The following TRMT10B variants were observed in gnomAD, a reference collection of about 807,000 sequenced individuals.
TRMT10B encodes the protein tRNA methyltransferase 10 homolog B.
Under a neutral mutation model 43.8 loss-of-function variants are expected in TRMT10B, and 33 were observed. That is an observed-to-expected ratio of 0.75 (90% confidence interval 0.57 to 1.01). The LOEUF (loss-of-function observed/expected upper bound fraction) is 1.01, where lower values mean the gene tolerates loss of function less well. TRMT10B is among the 50% of genes least tolerant of loss of function. The pLI is 0.00. For missense variants in TRMT10B, 362 were observed against 369.8 expected (o/e 0.98, Z 0.17); for synonymous variants, 137 against 130.6 (o/e 1.05, Z -0.34).
intron 5 of TRMT10B, among the ~76,000 whole-genome samples, chr9:37,768,612 G>A (rs1043165648): frequency 2.6e-5 from 4 of 152,140 alleles, no homozygotes; most frequent in Admixed American, 2.6e-4. Flanking sequence ...GAGTACTAAG[G>A]TACTTTTCAC....
rs1262415982 is a variant in TRMT10B at position 37,778,591 on chromosome 9, T to G, written c.*884T>G. 2 of 152,218 alleles carry G rather than the reference T, an allele frequency of 1.3e-5. No individual in the cohort carries two copies. The highest frequency in any genetic ancestry group is 2.9e-5 in the Non-Finnish European group (2 of 68,030). The allele number at this position is 152,218 out of a possible 1,614,324, so 9.4% of individuals were successfully genotyped here. A position where few individuals can be genotyped will look rare whatever the true frequency, so the allele number is the denominator to read the frequency against. The stretch of plus-strand genomic sequence containing the variant: ...TGCTAATTCAACTTTTGTACATCTA[T>G]TTGTGAGAGACCTCTTGAAATTGTT... On this transcript the variant is annotated 3_prime_UTR_variant, in exon 9 of 9. Transcript: ENST00000297994.
intron 3 of TRMT10B, 47 bp from the exon 4 acceptor site, chr9:37,763,582 T>G: frequency 1.9e-6 from 3 of 1,549,304 alleles, no homozygotes; most frequent in Non-Finnish European, 2.7e-6. Flanking sequence ...TTATATAATA[T>G]TCCTCTGGTT....
At position 37,763,721 on chromosome 9, in the gene TRMT10B, G is replaced by A. The variant is rs752075244; in HGVS notation, c.388G>A (p.Asp130Asn). ...ACACTCAGGACCAAGACTATGTATC[G>A]ATTTGAGTATGACCCACTACATGTC... The part of the protein sequence containing the change: ...AKHSGPRLCI[D>N]LSMTHYMSKK... Residue 130 changes from aspartate to asparagine, a missense_variant, in exon 4 of 9, where the codon GAT (aspartate) becomes AAT (asparagine). By Grantham distance (23) the Asp-to-Asn change is conservative. Coordinates refer to ENST00000297994, the MANE Select transcript of TRMT10B (RefSeq NM_144964.4). 23 of 1,613,918 alleles carry A rather than the reference G, an allele frequency of 1.4e-5. No homozygotes were observed. Among genetic ancestry groups the A allele is most frequent in the South Asian group, 1.2e-4 (11 of 91,072 alleles).
At chr9:37,770,117 C>T (rs1380484102) in intron 6 of TRMT10B, 98 bp downstream of exon 6, 1 of 1,037,634 alleles carries the variant, frequency 9.6e-7, no homozygotes, top group Non-Finnish European at 1.5e-6. Context: ...AAGGACACCC[C>T]TCCCCACCCC....
intron 4 of TRMT10B, chr9:37,767,512 C>CAAAAAAAAAAAAAAAAAAAAAAAAAAA (rs1376563452): frequency 1.8e-4 from 11 of 60,852 alleles, no homozygotes; most frequent in Non-Finnish European, 2.2e-4. Context: ...GACCCTGTCT[C>CAAAAAAAAAAAAAAAAAAAAAAAAAAA]CAAAAAAAAA....
upstream of TRMT10B, among the ~76,000 whole-genome samples, chr9:37,752,953 T>TC (rs1207951203): frequency 6.6e-6 from 1 of 152,120 alleles, no homozygotes; most frequent in Non-Finnish European, 1.5e-5. Flanking sequence ...TTCTTTGTAA[T>TC]AAATCTTGTT....
rs376273898 is a variant in TRMT10B, at chr9:37,757,182, C to A, written c.-30+3330C>A. On this transcript the variant is annotated intron_variant, in intron 1 of 8. Coordinates refer to ENST00000297994, the MANE Select transcript of TRMT10B (RefSeq NM_144964.4). ...CACTGGAGCCTTGATCTCCTGGGTT[C>A]AAGCGATCTTCTGGCTTCAGCTGCC... Among the ~76,000 whole-genome samples, 8 of 152,270 alleles carry A rather than the reference C, an allele frequency of 5.3e-5. No homozygotes were observed. The East Asian group carries it at 7.7e-4, about 15-fold the overall frequency.
intron 1 of TRMT10B, among the ~76,000 whole-genome samples, chr9:37,756,393 T>A (rs1375795184): frequency 5.4e-5 from 8 of 148,150 alleles, no homozygotes; most frequent in Non-Finnish European, 4.5e-5. Flanking sequence ...ATAATGGGGG[T>A]CTAGATATCT....
At chr9:37,753,077 A>C (rs1226421031), upstream of TRMT10B, among the ~76,000 whole-genome samples, 1 of 151,900 alleles carries the variant, frequency 6.6e-6, no homozygotes. Context: ...ACCGAGAGCG[A>C]AGGAACAACT....
chr9:37,760,165 AAAAT>A (rs762625910), intron 1 of TRMT10B, among the ~76,000 whole-genome samples: 3 of 152,176 alleles, frequency 2.0e-5, no homozygotes, highest in Non-Finnish European at 4.4e-5. Context: ...GTCTCTACTA[AAAAT>A]AAAATTAGCT....
At chr9:37,756,990 A>C (rs887041218) in intron 1 of TRMT10B, among the ~76,000 whole-genome samples, 3 of 149,856 alleles carry the variant, frequency 2.0e-5, no homozygotes, top group African/African-American at 7.4e-5. Flanking sequence ...GCAACATAGC[A>C]AGACCTATCT....
chr9:37,762,191 A>C (rs1826416184), intron 2 of TRMT10B, 74 bp downstream of exon 2: 2 of 1,436,334 alleles, frequency 1.4e-6, no homozygotes, highest in African/African-American at 2.8e-5. Context: ...TTAAAGATGG[A>C]TACTGGTAGT....
intron 8 of TRMT10B, 152 bp from the exon 9 acceptor site, chr9:37,777,449 G>A (rs59629778): frequency 1.7e-6 from 1 of 597,064 alleles, no homozygotes; most frequent in Non-Finnish European, 2.9e-6. Context: ...AGAGCAAGCA[G>A]AGCCTGTGTC....
chr9:37,763,985 T>A, intron 4 of TRMT10B: 1 of 595,228 alleles, frequency 1.7e-6, no homozygotes, highest in Non-Finnish European at 2.7e-6. Flanking sequence ...TCTTCTGTTT[T>A]AAGCCCAACA....
In TRMT10B at chr9:37,778,588, CTATT is replaced by C. The variant is rs1828427361; in HGVS notation, c.*883_*886del. 1.3e-5 allele frequency: 2 copies of C among 152,060 alleles called. No individual in the cohort carries two copies. The highest frequency in any genetic ancestry group is 2.9e-5 in the Non-Finnish European group (2 of 68,026). The allele number at this position is 152,060 out of a possible 1,614,324, so 9.4% of individuals were successfully genotyped here. A position where few individuals can be genotyped will look rare whatever the true frequency, so the allele number is the denominator to read the frequency against. ...ACGTGCTAATTCAACTTTTGTACAT[CTATT>C]TGTGAGAGACCTCTTGAAATTGTTT... On this transcript the variant is annotated 3_prime_UTR_variant, in exon 9 of 9. Transcript: ENST00000297994.
At chr9:37,769,397 C>A (rs1396128484) in intron 5 of TRMT10B, among the ~76,000 whole-genome samples, 1 of 146,384 alleles carries the variant, frequency 6.8e-6, no homozygotes, top group Non-Finnish European at 1.5e-5. Flanking sequence ...CCCAATGTTA[C>A]TCCCTCATCT....
chr9:37,769,105 C>G (rs1468102117), intron 5 of TRMT10B, among the ~76,000 whole-genome samples: 1 of 151,670 alleles, frequency 6.6e-6, no homozygotes, highest in South Asian at 2.1e-4. Flanking sequence ...CTCAGGAGCT[C>G]GAGACTAGCC....
intron 2 of TRMT10B, among the ~76,000 whole-genome samples, 193 bp from the exon 3 acceptor site, chr9:37,762,383 CA>C (rs1230994065): frequency 1.3e-5 from 2 of 152,102 alleles, no homozygotes; most frequent in Non-Finnish European, 2.9e-5. Context: ...TGACCTTGAC[CA>C]GGTCATGTCT....
intron 1 of TRMT10B, among the ~76,000 whole-genome samples, chr9:37,757,523 A>G (rs10973525): frequency 0.17 from 25,820 of 152,206 alleles, 2,319 homozygotes; most frequent in South Asian, 0.25. Flanking sequence ...ACTTTAGCCT[A>G]GGCAGACAAA....
Sources: allele counts gnomAD v4.1 joint callset (sites outside exome capture counted in the v4.1 genomes callset), GRCh38; gene constraint gnomAD v4.1.1; transcripts MANE v1.5; gene names NCBI Gene and HGNC (gene_info 2026-07-23, HGNC 2026-07-21).